PEX5L: variants seen among roughly 807,000 people sequenced by gnomAD.
PEX5L encodes the protein peroxisomal biogenesis factor 5 like.
In PEX5L, 30 loss-of-function variants were observed where a neutral mutation model predicts 84.0. That is an observed-to-expected ratio of 0.36 (90% CI 0.27 to 0.48). The LOEUF (loss-of-function observed/expected upper bound fraction) is 0.48. PEX5L is among the 20% of genes least tolerant of loss of function. The pLI, the probability that PEX5L is intolerant of heterozygous loss-of-function variation, is 0.99. For missense variants in PEX5L, 533 were observed against 754.6 expected (o/e 0.71, Z 3.44); for synonymous variants, 270 against 283.1 (o/e 0.95, Z 0.46).
At chr3:179,966,651 C>T (rs964982713) in intron 2 of PEX5L, among the ~76,000 whole-genome samples, 4 of 152,156 alleles carry the variant, frequency 2.6e-5, no homozygotes, top group African/African-American at 7.2e-5. Flanking sequence ...ATATTTTCCT[C>T]TTGAGGATCC....
In PEX5L at chr3:179,895,829, C is replaced by T. The variant is rs543385101; in HGVS notation, c.198+2313G>A. On this transcript the variant is annotated intron_variant, in intron 3 of 14. Transcript: ENST00000467460. Reference sequence around the variant, plus strand: ...GTGAGTTATTTTCTATTTTATGTATCGTAATTATCCCAATGACATTATTTA... The same window carrying T: ...GTGAGTTATTTTCTATTTTATGTATTGTAATTATCCCAATGACATTATTTA... 201 of 152,164 alleles carry T rather than the reference C, an allele frequency of 1.3e-3. 2 individuals carry two copies. Among genetic ancestry groups the T allele is most frequent in the African/African-American group, 4.6e-3 (191 of 41,516 alleles). 9.4% of individuals were successfully genotyped at this position (152,164 alleles called of 1,614,324 possible).
At position 179,799,926 on chromosome 3, in the gene PEX5L, G is replaced by A; in HGVS notation, c.*1902C>T. ...TCGCTGCTACCCATGATGAGTGCCT[G>A]AATGCCTCTGCCTTCTGCTGACCAG... is the stretch of plus-strand genomic sequence containing the variant. On this transcript the variant is annotated 3_prime_UTR_variant, in exon 15 of 15. Coordinates refer to ENST00000467460, the MANE Select transcript of PEX5L (RefSeq NM_016559.3). The A allele has an allele frequency of 6.6e-6, 1 of 152,242 alleles. No homozygotes were observed. Among genetic ancestry groups the A allele is most frequent in the East Asian group, 1.9e-4 (1 of 5,196 alleles). The allele number at this position is 152,242 out of a possible 1,614,324, so 9.4% of individuals were successfully genotyped here.
intron 1 of PEX5L, among the ~76,000 whole-genome samples, chr3:180,002,947 A>G (rs989526240): frequency 6.6e-6 from 1 of 152,142 alleles, no homozygotes; most frequent in African/African-American, 2.4e-5. Flanking sequence ...ATAGCTTGTT[A>G]AATTTGGAGC....
At chr3:179,911,144 T>C (rs534702672) in intron 2 of PEX5L, among the ~76,000 whole-genome samples, 3 of 152,312 alleles carry the variant, frequency 2.0e-5, no homozygotes, top group Admixed American at 2.0e-4. Flanking sequence ...ATATTCCATA[T>C]TTCTGTTCTT....
At chr3:179,827,033 T>C (rs1258166231) in intron 8 of PEX5L, among the ~76,000 whole-genome samples, 7 of 152,282 alleles carry the variant, frequency 4.6e-5, no homozygotes, top group Non-Finnish European at 8.8e-5. Flanking sequence ...CACACTATCA[T>C]TGGTAAATGA....
chr3:180,020,421 ACT>A (rs2110504693), intron 1 of PEX5L, among the ~76,000 whole-genome samples: 1 of 152,118 alleles, frequency 6.6e-6, no homozygotes, highest in African/African-American at 2.4e-5. Flanking sequence ...CACATGATAA[ACT>A]CTAGATACTA....
chr3:179,872,730 C>G (rs1256451822), intron 7 of PEX5L, among the ~76,000 whole-genome samples: 1 of 152,180 alleles, frequency 6.6e-6, no homozygotes, highest in Non-Finnish European at 1.5e-5. Flanking sequence ...CAAGTCTCAC[C>G]TGCTTTAGAA....
intron 2 of PEX5L, among the ~76,000 whole-genome samples, chr3:179,935,279 A>C (rs1210007730): frequency 1.3e-5 from 2 of 152,252 alleles, no homozygotes; most frequent in Non-Finnish European, 2.9e-5. Flanking sequence ...AAAGAAAACC[A>C]TATACACAAA....
intron 1 of PEX5L, chr3:179,973,567 T>C (rs1035392343): frequency 1.0e-6 from 1 of 976,474 alleles, no homozygotes; most frequent in Non-Finnish European, 1.2e-6. Flanking sequence ...GCATATGGAC[T>C]CTTCAGCCTC....
intron 8 of PEX5L, 77 bp downstream of exon 8, chr3:179,858,985 A>C (rs1745022733): frequency 3.5e-6 from 3 of 866,280 alleles, no homozygotes; most frequent in Non-Finnish European, 5.9e-6. Flanking sequence ...TTTCATTTCT[A>C]TCTTGCTGAA....
chr3:180,024,687 TGTGA>T (rs905811948), intron 1 of PEX5L, among the ~76,000 whole-genome samples: 5 of 151,710 alleles, frequency 3.3e-5, no homozygotes, highest in Non-Finnish European at 5.9e-5. Context: ...CATGTGTGTG[TGTGA>T]GAGAGAGAGA....
chr3:179,895,200 CAACATATGATCATTATAA>C (rs1758855303), intron 3 of PEX5L, among the ~76,000 whole-genome samples: 1 of 152,070 alleles, frequency 6.6e-6, no homozygotes, highest in African/African-American at 2.4e-5. Context: ...ATTACCATTT[CAACATATGATCATTATAA>C]AAATCGTTAA....
At chr3:179,938,032 T>C (rs887291934) in intron 2 of PEX5L, among the ~76,000 whole-genome samples, 2 of 152,020 alleles carry the variant, frequency 1.3e-5, no homozygotes, top group East Asian at 1.9e-4. Flanking sequence ...CACCACTACC[T>C]TCACCACCTC....
chr3:179,910,348 GA>G (rs1203376428), intron 2 of PEX5L, among the ~76,000 whole-genome samples: 1 of 152,174 alleles, frequency 6.6e-6, no homozygotes, highest in Non-Finnish European at 1.5e-5. Flanking sequence ...TGAACTGCTT[GA>G]AAACAATTTT....
intron 3 of PEX5L, among the ~76,000 whole-genome samples, chr3:179,893,086 A>G (rs928025924): frequency 1.5e-4 from 23 of 152,290 alleles, no homozygotes; most frequent in African/African-American, 5.5e-4. Context: ...AGAATGCAAA[A>G]GACTATTGAA....
chr3:179,826,745 A>G (rs1730654426), intron 8 of PEX5L, among the ~76,000 whole-genome samples: 1 of 152,202 alleles, frequency 6.6e-6, no homozygotes, highest in African/African-American at 2.4e-5. Context: ...TTCTTTAGAC[A>G]TGTTTACAAG....
chr3:179,933,445 C>CTT (rs11425606), intron 2 of PEX5L, among the ~76,000 whole-genome samples: 1,532 of 150,394 alleles, frequency 0.01, 29 homozygotes, highest in African/African-American at 0.033. Flanking sequence ...ATACAATTCT[C>CTT]TTTTTTTTTT....
chr3:179,816,230 C>T (rs555778299), intron 9 of PEX5L, among the ~76,000 whole-genome samples: 4 of 152,318 alleles, frequency 2.6e-5, no homozygotes, highest in African/African-American at 9.6e-5. Context: ...TTTGGCCCAG[C>T]AATCCCATTA....
At chr3:179,954,652 C>T (rs1407167021) in intron 2 of PEX5L, among the ~76,000 whole-genome samples, 1 of 152,036 alleles carries the variant, frequency 6.6e-6, no homozygotes, top group Non-Finnish European at 1.5e-5. Flanking sequence ...TTCTTGATGG[C>T]TGGTGGGAAG....
Sources: allele counts gnomAD v4.1 joint callset (sites outside exome capture counted in the v4.1 genomes callset), GRCh38; gene constraint gnomAD v4.1.1; transcripts MANE v1.5; gene names NCBI Gene and HGNC (gene_info 2026-07-23, HGNC 2026-07-21).